Variants in PRKCE observed in about 807,000 individuals in gnomAD.
PRKCE encodes protein kinase C epsilon type.
Under a neutral mutation model 85.4 loss-of-function variants are expected in PRKCE, and 16 were observed. The observed-to-expected ratio is 0.19, with a 90% CI of 0.13 to 0.28. PRKCE has a LOEUF of 0.28. Ranked by LOEUF, PRKCE falls within the 10% of genes least tolerant of loss-of-function variation. The probability of loss-of-function intolerance (pLI) is 1.00; values close to 1 mark genes in which losing one functional copy is unlikely to be tolerated. For synonymous variants in PRKCE, 388 were observed against 371.5 expected, an observed-to-expected ratio of 1.04 and a Z score of -0.51; for missense variants, 573 against 975.2, an observed-to-expected ratio of 0.59 and a Z score of 5.49.
At chr2:45,834,418 G>C (rs1690681481) in intron 1 of PRKCE, among the ~76,000 whole-genome samples, 1 of 152,196 alleles carries the variant, frequency 6.6e-6, no homozygotes, top group Non-Finnish European at 1.5e-5. Context: ...TAACAAGTTA[G>C]CTCAGAACAC....
chr2:46,132,108 A>G (rs1674519793), intron 11 of PRKCE, among the ~76,000 whole-genome samples: 1 of 152,058 alleles, frequency 6.6e-6, no homozygotes, highest in Admixed American at 6.5e-5. Flanking sequence ...TGAACCACCC[A>G]AGTTCAGAGC....
intron 11 of PRKCE, among the ~76,000 whole-genome samples, chr2:46,101,641 C>T (rs925713274): frequency 1.3e-5 from 2 of 152,162 alleles, no homozygotes; most frequent in African/African-American, 2.4e-5. Context: ...TCTGGAACAA[C>T]ATGTGGGAAC....
At chr2:45,707,601 C>T (rs1444683954) in intron 1 of PRKCE, among the ~76,000 whole-genome samples, 1 of 152,210 alleles carries the variant, frequency 6.6e-6, no homozygotes, top group Non-Finnish European at 1.5e-5. Flanking sequence ...GAGGCTTTAT[C>T]TGTTCATGGA....
intron 2 of PRKCE, among the ~76,000 whole-genome samples, chr2:45,946,766 A>G (rs1046088413): frequency 4.6e-5 from 7 of 152,232 alleles, no homozygotes; most frequent in Non-Finnish European, 1.0e-4. Context: ...GTGGAAAGAA[A>G]GTATCAATAA....
intron 2 of PRKCE, among the ~76,000 whole-genome samples, chr2:45,920,108 C>A (rs902539134): frequency 2.0e-5 from 3 of 152,220 alleles, no homozygotes; most frequent in African/African-American, 7.2e-5. Context: ...GAACTAGTAG[C>A]CCCACTGATA....
Position 45,774,979 on chromosome 2 carries a change from T to C in PRKCE, c.349-68021T>C, listed in dbSNP as rs1329616698. On this transcript the variant is annotated intron_variant, in intron 1 of 14. Transcript: ENST00000306156. The surrounding 1 kb of genome is among the most constrained non-coding windows in gnomAD (Gnocchi z 4.3). ...GGATAGTAAAATGACAATAGCAGCG[T>C]AGACACTTCTCAGTTATTTACAAGT... 6.6e-6 allele frequency among the ~76,000 whole-genome samples: 1 copy of C among 152,140 alleles called. No homozygotes were observed. Among genetic ancestry groups the C allele is most frequent in the Non-Finnish European group, 1.5e-5 (1 of 68,046 alleles).
chr2:46,182,511 C>T (rs1333028414), intron 14 of PRKCE, among the ~76,000 whole-genome samples: 1 of 152,162 alleles, frequency 6.6e-6, no homozygotes, highest in Non-Finnish European at 1.5e-5. Flanking sequence ...CATGGACACC[C>T]CTCAGCTATA....
intron 2 of PRKCE, among the ~76,000 whole-genome samples, chr2:45,933,948 T>C (rs953660964): frequency 6.6e-6 from 1 of 152,192 alleles, no homozygotes; most frequent in African/African-American, 2.4e-5. Flanking sequence ...TCAGGCATCA[T>C]GTTTTTCTAA....
chr2:45,965,411 C>G (rs1701668417), intron 2 of PRKCE, among the ~76,000 whole-genome samples: 2 of 152,138 alleles, frequency 1.3e-5, no homozygotes, highest in Non-Finnish European at 1.5e-5. Context: ...TTTCCATTGA[C>G]CTTGCATATT....
chr2:45,726,632 GACTT>G (rs1422789858), intron 1 of PRKCE, among the ~76,000 whole-genome samples: 1 of 152,160 alleles, frequency 6.6e-6, no homozygotes, highest in Non-Finnish European at 1.5e-5. Context: ...ATATTTTTAT[GACTT>G]GCTTTATTAT....
intron 1 of PRKCE, among the ~76,000 whole-genome samples, chr2:45,665,844 AC>A (rs1486072706): frequency 2.6e-5 from 4 of 151,838 alleles, no homozygotes; most frequent in Non-Finnish European, 5.9e-5. Flanking sequence ...GCTTCCCACT[AC>A]CCCAATAATG....
intron 1 of PRKCE, among the ~76,000 whole-genome samples, chr2:45,667,672 G>A (rs1217451639): frequency 6.6e-6 from 1 of 152,042 alleles, no homozygotes; most frequent in Non-Finnish European, 1.5e-5. Context: ...TTAAAAATTA[G>A]TTATGTTTAT....
intron 10 of PRKCE, among the ~76,000 whole-genome samples, chr2:46,056,142 G>A (rs962917887): frequency 6.6e-6 from 1 of 152,120 alleles, no homozygotes; most frequent in Non-Finnish European, 1.5e-5. Flanking sequence ...AGTATACCCA[G>A]TGAGTAGGAG....
At chr2:45,942,879 A>C (rs970957947) in intron 2 of PRKCE, among the ~76,000 whole-genome samples, 12 of 152,242 alleles carry the variant, frequency 7.9e-5, no homozygotes, top group African/African-American at 2.9e-4. Flanking sequence ...ATATGCTTAC[A>C]GTAAAACATT....
chr2:46,032,275 C>T (rs1707576913), intron 10 of PRKCE, among the ~76,000 whole-genome samples: 1 of 151,968 alleles, frequency 6.6e-6, no homozygotes, highest in Non-Finnish European at 1.5e-5. Flanking sequence ...AAACGATGAG[C>T]TGGGACTGGA....
chr2:45,744,471 T>C lies in PRKCE; in HGVS notation c.348+92023T>C, dbSNP rs1439981573. 2.4e-4 allele frequency among the ~76,000 whole-genome samples: 14 copies of C among 58,238 alleles called. 1 individual carries two copies. Among genetic ancestry groups the C allele is most frequent in the Non-Finnish European group, 4.2e-4 (12 of 28,746 alleles). The allele number at this position is 58,238 out of a possible 152,430, so 38.2% of individuals were successfully genotyped here. On this transcript the variant is annotated intron_variant, in intron 1 of 14. Coordinates refer to ENST00000306156, the MANE Select transcript of PRKCE (RefSeq NM_005400.3). ...TTTCTTTCTTTCTTTCTTTCTTTCTTTCTTTCTTTCTTTCTTTTTCTTTCT... is the reference window on the plus strand; with the variant it reads ...TTTCTTTCTTTCTTTCTTTCTTTCTCTCTTTCTTTCTTTCTTTTTCTTTCT...
intron 14 of PRKCE, chr2:46,160,200 A>G (rs1677616786): frequency 5.9e-6 from 1 of 168,208 alleles, no homozygotes; most frequent in African/African-American, 2.4e-5. Flanking sequence ...GGATTCACTG[A>G]CTGGCAGCAG....
At chr2:46,066,882 G>A (rs963287535) in intron 10 of PRKCE, among the ~76,000 whole-genome samples, 2 of 152,160 alleles carry the variant, frequency 1.3e-5, no homozygotes, top group Non-Finnish European at 2.9e-5. Flanking sequence ...CCATAGATAC[G>A]TGGTAAAGGA....
chr2:46,073,470 G>A (rs1050572956), intron 10 of PRKCE: 3 of 151,304 alleles, frequency 2.0e-5, no homozygotes, highest in African/African-American at 7.3e-5. Flanking sequence ...CTCTAACACT[G>A]GATTTACTGG....
Sources: allele counts gnomAD v4.1 joint callset (sites outside exome capture counted in the v4.1 genomes callset), GRCh38; gene constraint gnomAD v4.1.1; non-coding constraint Gnocchi (gnomAD v3.1); transcripts MANE v1.5; gene names NCBI Gene and HGNC (gene_info 2026-07-23, HGNC 2026-07-21).